The following MTUS2 variants were observed in gnomAD, a reference collection of about 807,000 sequenced individuals.
MTUS2 encodes the protein microtubule associated scaffold protein 2.
Under a neutral mutation model 114.1 loss-of-function variants are expected in MTUS2, and 40 were observed. That is an observed-to-expected ratio of 0.35 (90% CI 0.27 to 0.46). The LOEUF is 0.46. MTUS2 is among the 20% of genes least tolerant of loss of function. The pLI is 1.00. For synonymous variants in MTUS2, 688 were observed against 672.0 expected (o/e 1.02, Z -0.37); for missense variants, 1,679 against 1,705.4 (o/e 0.98, Z 0.27).
At chr13:29,062,866 T>TC (rs1888486986) in intron 4 of MTUS2, among the ~76,000 whole-genome samples, 5 of 152,240 alleles carry the variant, frequency 3.3e-5, no homozygotes, top group African/African-American at 1.2e-4. Context: ...CAGATCTTGA[T>TC]GTGACTGTAT....
chr13:28,924,930 T>C (rs930076388), intron 2 of MTUS2, among the ~76,000 whole-genome samples: 6 of 151,896 alleles, frequency 4.0e-5, no homozygotes, highest in Admixed American at 1.3e-4. Flanking sequence ...CGCCTTCTGC[T>C]TGGAAAGATA....
chr13:29,140,055 G>A (rs1450808516), intron 5 of MTUS2, among the ~76,000 whole-genome samples: 2 of 152,074 alleles, frequency 1.3e-5, no homozygotes, highest in African/African-American at 4.8e-5. Flanking sequence ...GAGTTTTCAC[G>A]GATGAGAAAC....
chr13:29,261,711 T>G (rs1262365666), intron 5 of MTUS2, among the ~76,000 whole-genome samples: 1 of 152,250 alleles, frequency 6.6e-6, no homozygotes, highest in Non-Finnish European at 1.5e-5. Context: ...TGGTGTTATC[T>G]TTTAACAACT....
At chr13:29,020,838 C>T (rs1422190958) in intron 2 of MTUS2, among the ~76,000 whole-genome samples, 4 of 120,842 alleles carry the variant, frequency 3.3e-5, no homozygotes, top group Non-Finnish European at 7.1e-5. Flanking sequence ...ATTTCCTTAC[C>T]AGGACGTGGG....
intron 6 of MTUS2, among the ~76,000 whole-genome samples, chr13:29,311,638 A>G (rs147837974): frequency 1.3e-4 from 20 of 152,336 alleles, no homozygotes; most frequent in African/African-American, 4.6e-4. Context: ...CTGAGTCTCA[A>G]TCTGACATCC....
At chr13:28,834,642 A>G (rs1285142529) in intron 1 of MTUS2, among the ~76,000 whole-genome samples, 2 of 152,206 alleles carry the variant, frequency 1.3e-5, no homozygotes, top group African/African-American at 4.8e-5. Flanking sequence ...CTTATATGTA[A>G]CAAAAAGCAG....
chr13:28,936,543 G>A (rs1355735258), intron 2 of MTUS2, among the ~76,000 whole-genome samples: 1 of 152,110 alleles, frequency 6.6e-6, no homozygotes, highest in African/African-American at 2.4e-5. Context: ...AGTGTCTGGT[G>A]TGGCTTGGGG....
intron 4 of MTUS2, among the ~76,000 whole-genome samples, chr13:29,050,801 C>G (rs563181931): frequency 1.3e-5 from 2 of 152,304 alleles, no homozygotes; most frequent in East Asian, 3.9e-4. Context: ...GTCTTCCTGT[C>G]TAGCTGTTTG....
rs552959609 is a variant in MTUS2 at position 29,100,761 on chromosome 13, G to C, written c.2447-12G>C. 654 of 1,549,008 alleles carry C rather than the reference G, an allele frequency of 4.2e-4. No individual in the cohort carries two copies. Among genetic ancestry groups the C allele is most frequent in the Non-Finnish European group, 5.3e-4 (608 of 1,146,432 alleles). On this transcript the variant is annotated splice_polypyrimidine_tract_variant and intron_variant, in intron 4 of 15. Coordinates refer to ENST00000612955, the MANE Select transcript of MTUS2 (RefSeq NM_001033602.4). ...GAGAATAATTTTTTAATTTTATTTG[G>C]GTTCGTTTTAGCAGATTTAAAGAAA... is the stretch of plus-strand genomic sequence containing the variant.
intron 2 of MTUS2, among the ~76,000 whole-genome samples, chr13:28,960,992 A>G (rs969028043): frequency 1.3e-5 from 2 of 152,190 alleles, no homozygotes; most frequent in African/African-American, 4.8e-5. Context: ...AAAATATAAT[A>G]AATAACTCAA....
At chr13:29,204,423 A>G (rs1895095857) in intron 5 of MTUS2, among the ~76,000 whole-genome samples, 1 of 152,182 alleles carries the variant, frequency 6.6e-6, no homozygotes, top group South Asian at 2.1e-4. Flanking sequence ...GAGCCTCGGA[A>G]AAGTCCCACC....
chr13:29,382,752 A>G (rs1279678068), intron 8 of MTUS2, among the ~76,000 whole-genome samples: 1 of 152,236 alleles, frequency 6.6e-6, no homozygotes, highest in African/African-American at 2.4e-5. Context: ...TGTAAGACAC[A>G]GCACTTTCCT....
chr13:28,903,747 C>T (rs910039807), intron 2 of MTUS2, among the ~76,000 whole-genome samples: 3 of 151,940 alleles, frequency 2.0e-5, no homozygotes, highest in Non-Finnish European at 2.9e-5. Context: ...TTTATAGCAG[C>T]ATGATTTATA....
At position 29,126,408 on chromosome 13, in the gene MTUS2, C is replaced by T. The variant is rs567936837; in HGVS notation, c.2644+25438C>T. On this transcript the variant is annotated intron_variant, in intron 5 of 15. Transcript: ENST00000612955. ...GTGGCTACTCCAAACCTCCACCACA[C>T]TACAGAATTCCCATTTTACTGCCAC... is the stretch of plus-strand genomic sequence containing the variant. Among the ~76,000 whole-genome samples, 3 of 152,300 alleles carry T rather than the reference C, an allele frequency of 2.0e-5. No individual in the cohort carries two copies. The South Asian group carries it at 6.2e-4, about 32-fold the overall frequency.
At chr13:29,412,483 G>A (rs148759951) in intron 8 of MTUS2, among the ~76,000 whole-genome samples, 40 of 152,110 alleles carry the variant, frequency 2.6e-4, no homozygotes, top group African/African-American at 7.7e-4. Flanking sequence ...TTATACAGTC[G>A]TTTGCATCTG....
At chr13:28,883,326 A>C (rs1878401874) in intron 2 of MTUS2, among the ~76,000 whole-genome samples, 1 of 152,202 alleles carries the variant, frequency 6.6e-6, no homozygotes, top group African/African-American at 2.4e-5. Context: ...ATGAAAACTT[A>C]TTTTCATACA....
chr13:28,976,679 A>AT (rs1165846884), intron 2 of MTUS2, among the ~76,000 whole-genome samples: 1 of 152,152 alleles, frequency 6.6e-6, no homozygotes, highest in Non-Finnish European at 1.5e-5. Flanking sequence ...TAAGTAGGAC[A>AT]TTTTTTGTAA....
intron 5 of MTUS2, among the ~76,000 whole-genome samples, chr13:29,275,309 A>G (rs952001602): frequency 5.3e-5 from 8 of 152,238 alleles, no homozygotes; most frequent in Admixed American, 2.0e-4. Context: ...CATGCAATGC[A>G]TAATAATCAA....
intron 2 of MTUS2, among the ~76,000 whole-genome samples, chr13:28,970,482 A>T (rs1883802929): frequency 6.6e-6 from 1 of 152,204 alleles, no homozygotes; most frequent in African/African-American, 2.4e-5. Context: ...TCACACTGCA[A>T]CAGCAGTTTA....
Sources: allele counts gnomAD v4.1 joint callset (sites outside exome capture counted in the v4.1 genomes callset), GRCh38; gene constraint gnomAD v4.1.1; transcripts MANE v1.5; gene names NCBI Gene and HGNC (gene_info 2026-07-23, HGNC 2026-07-21).